Variants in DIAPH2 observed in about 807,000 individuals in gnomAD.
The protein encoded by DIAPH2 is diaphanous related formin 2, also known as protein diaphanous homolog 2.
A neutral mutation model predicts 92.7 loss-of-function variants in DIAPH2; 35 were observed. The observed-to-expected ratio is 0.38, with a 90% CI of 0.29 to 0.50. The LOEUF (loss-of-function observed/expected upper bound fraction) is 0.50. Among genes scored for constraint, DIAPH2 ranks in the 20% least tolerant of loss-of-function variants. The probability of loss-of-function intolerance (pLI) is 0.94; values close to 1 mark genes in which losing one functional copy is unlikely to be tolerated. For synonymous variants in DIAPH2, 301 were observed against 280.4 expected (o/e 1.07, Z -0.73); for missense variants, 701 against 819.5 (o/e 0.86, Z 1.77).
chrX:96,813,292 T>G (rs1602530082), intron 4 of DIAPH2, among the ~76,000 whole-genome samples: 1 of 98,756 alleles, frequency 1.0e-5, no homozygotes, highest in Non-Finnish European at 2.2e-5. Flanking sequence ...TCTTTGTCTC[T>G]TTTGATCTTT....
chrX:96,834,674 A>G (rs1029058701), intron 4 of DIAPH2, among the ~76,000 whole-genome samples: 22 of 111,731 alleles, frequency 2.0e-4, no homozygotes, highest in African/African-American at 7.2e-4. Context: ...AAAAGGACAT[A>G]TTTGGTAAAT....
chrX:96,828,061 C>T (rs233668), intron 4 of DIAPH2, among the ~76,000 whole-genome samples: 46,174 of 111,002 alleles, frequency 0.42, 8,189 homozygotes, highest in African/African-American at 0.7. Flanking sequence ...TGAGCCACCG[C>T]GCCCAGCCTC....
chrX:97,168,288 A>T (rs868491255), intron 22 of DIAPH2, among the ~76,000 whole-genome samples: 16 of 109,282 alleles, frequency 1.5e-4, no homozygotes, highest in Admixed American at 2.9e-4. Context: ...GGGTTTTACC[A>T]TGTTGGCCAG....
chrX:96,749,747 C>A (rs2064175511), intron 3 of DIAPH2, among the ~76,000 whole-genome samples: 1 of 111,558 alleles, frequency 9.0e-6, no homozygotes, highest in Non-Finnish European at 1.9e-5. Context: ...GGAAGATGGG[C>A]TCTTTCCATT....
chrX:97,569,991 T>A (rs1177132117), intron 26 of DIAPH2, among the ~76,000 whole-genome samples: 1 of 97,435 alleles, frequency 1.0e-5, no homozygotes, highest in African/African-American at 3.7e-5. Context: ...TTCAATTAAA[T>A]AATTCATAAA....
intron 26 of DIAPH2, chrX:97,564,548 C>T (rs1376016418): frequency 8.9e-6 from 1 of 111,745 alleles, no homozygotes; most frequent in Non-Finnish European, 1.9e-5. Context: ...AGGGAGCTCT[C>T]TAAGGCCTCT....
chrX:97,149,685 C>T (rs971296395), intron 22 of DIAPH2, among the ~76,000 whole-genome samples: 12 of 90,651 alleles, frequency 1.3e-4, no homozygotes, highest in Non-Finnish European at 2.1e-4. Flanking sequence ...GAGCCGAGAT[C>T]GCGCCACCGC....
chrX:97,529,080 A>G (rs893423419), intron 26 of DIAPH2: 3 of 111,456 alleles, frequency 2.7e-5, no homozygotes, highest in African/African-American at 9.8e-5. Context: ...TATCAAAAAA[A>G]AAAAAAGATT....
intron 4 of DIAPH2, among the ~76,000 whole-genome samples, chrX:96,795,455 A>G (rs2064531531): frequency 8.9e-6 from 1 of 111,887 alleles, no homozygotes; most frequent in Non-Finnish European, 1.9e-5. Context: ...AACATCATTT[A>G]GATCAAGTCA....
intron 17 of DIAPH2, among the ~76,000 whole-genome samples, chrX:97,008,175 T>C (rs1290053701): frequency 5.6e-5 from 6 of 107,386 alleles, no homozygotes; most frequent in Non-Finnish European, 1.1e-4. Flanking sequence ...AATTGTTTCT[T>C]CAGCTTTATC....
chrX:96,864,903 G>C (rs1167837927), intron 4 of DIAPH2, among the ~76,000 whole-genome samples: 1 of 111,821 alleles, frequency 8.9e-6, no homozygotes. Flanking sequence ...CTGTAAAACG[G>C]GGATAATATG....
At chrX:96,701,416 A>C (rs1383354690) in intron 1 of DIAPH2, 1 of 111,398 alleles carries the variant, frequency 9.0e-6, no homozygotes, top group Non-Finnish European at 1.9e-5. Context: ...TGTGCTTGGT[A>C]GGGAGAGGAA....
intron 24 of DIAPH2, among the ~76,000 whole-genome samples, chrX:97,376,821 G>T (rs1157311591): frequency 1.8e-5 from 2 of 111,736 alleles, no homozygotes; most frequent in East Asian, 5.6e-4. Context: ...TAGACTATAC[G>T]GTATACGTAA....
At chrX:97,244,629 T>C (rs1350411378) in intron 22 of DIAPH2, among the ~76,000 whole-genome samples, 2 of 111,731 alleles carry the variant, frequency 1.8e-5, no homozygotes, top group Admixed American at 9.6e-5. Flanking sequence ...TTCTATAGTA[T>C]GTTTGATGAA....
At chrX:97,150,810 C>CA (rs1181046279) in intron 22 of DIAPH2, among the ~76,000 whole-genome samples, 2 of 111,735 alleles carry the variant, frequency 1.8e-5, no homozygotes, top group Non-Finnish European at 3.8e-5. Flanking sequence ...TTTTTCAGGA[C>CA]AAAATCTGTG....
At chrX:96,967,395 TATTC>T (rs369521457) in intron 17 of DIAPH2, among the ~76,000 whole-genome samples, 7,655 of 105,738 alleles carry the variant, frequency 0.072, 298 homozygotes, top group African/African-American at 0.11. Flanking sequence ...TTTATTTATT[TATTC>T]ATTCATTCAT....
intron 24 of DIAPH2, among the ~76,000 whole-genome samples, chrX:97,359,570 C>CTTTTTT (rs1162203236): frequency 2.7e-4 from 18 of 66,699 alleles, no homozygotes; most frequent in African/African-American, 5.5e-4. Flanking sequence ...CATGGATAAT[C>CTTTTTT]TTTTTTTTTT....
chrX:96,942,263 A>G (rs1051135362), intron 13 of DIAPH2, 127 bp downstream of exon 13: 8 of 469,195 alleles, frequency 1.7e-5, no homozygotes, highest in Non-Finnish European at 3.0e-5. Context: ...TATCTGGTAA[A>G]TCATTGTGTC....
At chrX:96,823,177 A>C (rs1254258135) in intron 4 of DIAPH2, among the ~76,000 whole-genome samples, 1 of 111,701 alleles carries the variant, frequency 9.0e-6, no homozygotes, top group East Asian at 2.8e-4. Flanking sequence ...TCTGGAGGGC[A>C]GTTTAGCAGA....
Sources: allele counts gnomAD v4.1 joint callset (sites outside exome capture counted in the v4.1 genomes callset), GRCh38; gene constraint gnomAD v4.1.1; transcripts MANE v1.5; gene names NCBI Gene and HGNC (gene_info 2026-07-23, HGNC 2026-07-21).